PRMT3: variants seen among roughly 807,000 people sequenced by gnomAD.
The protein encoded by PRMT3 is protein arginine N-methyltransferase 3.
Under a neutral mutation model 71.9 loss-of-function variants are expected in PRMT3, and 62 were observed. That is an observed-to-expected ratio of 0.86 (90% confidence interval 0.70 to 1.07). The LOEUF is 1.07. Among genes scored for constraint, PRMT3 ranks in the 50% least tolerant of loss-of-function variants. The pLI is 0.00. For synonymous variants in PRMT3, 213 were observed against 220.4 expected (o/e 0.97, Z 0.30); for missense variants, 663 against 643.0 (o/e 1.03, Z -0.34).
intron 13 of PRMT3, among the ~76,000 whole-genome samples, chr11:20,481,046 A>T (rs556612093): frequency 6.6e-6 from 1 of 152,280 alleles, no homozygotes; most frequent in South Asian, 2.1e-4. Flanking sequence ...AGAACATTTT[A>T]TGAAAGACTT....
intron 11 of PRMT3, among the ~76,000 whole-genome samples, chr11:20,460,965 C>T (rs189001545): frequency 6.6e-6 from 1 of 152,284 alleles, no homozygotes; most frequent in African/African-American, 2.4e-5. Context: ...TAGACCCTCC[C>T]ATTATTCTCC....
chr11:20,491,329 G>C (rs1014831002), intron 13 of PRMT3, among the ~76,000 whole-genome samples: 1 of 152,128 alleles, frequency 6.6e-6, no homozygotes. Context: ...CTCAGAGGTG[G>C]CTTGTCTTTT....
chr11:20,498,903 G>A (rs972133491), intron 15 of PRMT3, among the ~76,000 whole-genome samples: 2 of 152,244 alleles, frequency 1.3e-5, no homozygotes, highest in Admixed American at 6.5e-5. Flanking sequence ...TTTATTTTCA[G>A]CAGACTGGAA....
chr11:20,440,473 A>G (rs12802766), intron 10 of PRMT3, among the ~76,000 whole-genome samples: 4,305 of 133,086 alleles, frequency 0.032, 65 homozygotes, highest in Middle Eastern at 0.054. Context: ...GTGAAACCCC[A>G]TCTCTACTAA....
chr11:20,464,603 G>C, intron 13 of PRMT3, 57 bp downstream of exon 13: 1 of 1,592,566 alleles, frequency 6.3e-7, no homozygotes, highest in Non-Finnish European at 8.5e-7. Flanking sequence ...TGATTGGCAG[G>C]CTAATGAGTT....
intron 13 of PRMT3, among the ~76,000 whole-genome samples, chr11:20,473,048 C>A (rs749336843): frequency 1.2e-4 from 18 of 151,978 alleles, no homozygotes; most frequent in Non-Finnish European, 1.5e-4. Flanking sequence ...TTATAGTTTT[C>A]TTTGATGGTT....
rs1243206091 is a variant in PRMT3 at position 20,407,922 on chromosome 11, T to A, written c.783T>A (p.Asp261Glu). 6.2e-7 allele frequency: 1 copy of A among 1,610,710 alleles called. No homozygotes were observed. The highest frequency in any genetic ancestry group is 8.5e-7 in the Non-Finnish European group (1 of 1,177,872). ...PHIFKDKVVL[D>E]VGCGTGILSM... ...CTTAATTACCCTAGGTAGTTTTGGA[T>A]GTTGGGTGTGGAACTGGAATTCTCT... is the stretch of plus-strand genomic sequence containing the variant. Residue 261 changes from aspartate (D) to glutamate (E), a missense_variant, in exon 9 of 16, where the codon GAT becomes GAA. Physicochemically the swap from Asp to Glu is conservative, Grantham distance 45 (BLOSUM62 2). Coordinates refer to ENST00000331079, the MANE Select transcript of PRMT3 (RefSeq NM_005788.4).
chr11:20,489,606 GA>G (rs1851160515), intron 13 of PRMT3, among the ~76,000 whole-genome samples: 1 of 152,030 alleles, frequency 6.6e-6, no homozygotes, highest in South Asian at 2.1e-4. Flanking sequence ...AACTGTAATT[GA>G]AAATAGTGGC....
chr11:20,429,323 C>T (rs1167280828), intron 10 of PRMT3, among the ~76,000 whole-genome samples: 1 of 152,218 alleles, frequency 6.6e-6, no homozygotes, highest in Non-Finnish European at 1.5e-5. Flanking sequence ...AATGCCACTG[C>T]TGATCTGACA....
rs78659133 is a variant in PRMT3 at position 20,446,774 on chromosome 11, C to A, written c.994-5356C>A. On this transcript the variant is annotated intron_variant, in intron 10 of 15. Transcript: ENST00000331079. ...ATGTCTATGTGTATATATACAGATGCCAACACAACATTTTCCTACCCATTC... is the reference window on the plus strand; with the variant it reads ...ATGTCTATGTGTATATATACAGATGACAACACAACATTTTCCTACCCATTC... Among the ~76,000 whole-genome samples, 1,076 of 152,156 alleles carry A rather than the reference C, an allele frequency of 7.1e-3. 15 individuals are homozygous for A. Among genetic ancestry groups the A allele is most frequent in the African/African-American group, 0.02 (834 of 41,516 alleles).
At chr11:20,503,218 C>A (rs1851500174) in intron 15 of PRMT3, among the ~76,000 whole-genome samples, 1 of 151,968 alleles carries the variant, frequency 6.6e-6, no homozygotes, top group East Asian at 1.9e-4. Context: ...TGGTTTCATC[C>A]TTTAAAAGAT....
intron 9 of PRMT3, among the ~76,000 whole-genome samples, chr11:20,410,441 G>A (rs1199174268): frequency 1.3e-5 from 2 of 151,854 alleles, no homozygotes; most frequent in Non-Finnish European, 2.9e-5. Context: ...GTATATTGAT[G>A]AGCTCCCAGC....
At chr11:20,478,049 C>T (rs35741301) in intron 13 of PRMT3, among the ~76,000 whole-genome samples, 2,958 of 152,284 alleles carry the variant, frequency 0.019, 93 homozygotes, top group African/African-American at 0.065. Context: ...ATTGGGCAAA[C>T]GCCCTCAGGT....
chr11:20,492,711 T>C (rs1851235878), intron 13 of PRMT3, among the ~76,000 whole-genome samples: 1 of 152,198 alleles, frequency 6.6e-6, no homozygotes, highest in African/African-American at 2.4e-5. Flanking sequence ...GTATTTAAAT[T>C]TAACCAAAAA....
At chr11:20,390,061 G>A (rs933404629) in intron 3 of PRMT3, among the ~76,000 whole-genome samples, 2 of 151,466 alleles carry the variant, frequency 1.3e-5, no homozygotes, top group Non-Finnish European at 2.9e-5. Flanking sequence ...TGAGGCAGGT[G>A]AATTGCTTAA....
At chr11:20,498,974 G>C (rs1851396876) in intron 15 of PRMT3, among the ~76,000 whole-genome samples, 1 of 152,130 alleles carries the variant, frequency 6.6e-6, no homozygotes, top group African/African-American at 2.4e-5. Flanking sequence ...ATGGAAACTT[G>C]GATCTTAACA....
At chr11:20,478,632 GT>G (rs1374639951) in intron 13 of PRMT3, among the ~76,000 whole-genome samples, 2 of 151,984 alleles carry the variant, frequency 1.3e-5, no homozygotes, top group Non-Finnish European at 2.9e-5. Context: ...CAGTTACTGA[GT>G]TTTTTAAGGC....
intron 13 of PRMT3, among the ~76,000 whole-genome samples, chr11:20,481,560 A>AG (rs1226834387): frequency 6.6e-6 from 1 of 152,092 alleles, no homozygotes; most frequent in Non-Finnish European, 1.5e-5. Context: ...GAACTTACTG[A>AG]GGGATAGTTT....
At chr11:20,496,942 A>ACT (rs1439118862) in intron 15 of PRMT3, among the ~76,000 whole-genome samples, 2 of 152,216 alleles carry the variant, frequency 1.3e-5, no homozygotes, top group Admixed American at 6.5e-5. Flanking sequence ...GCTTCAGCAC[A>ACT]GCAAAAGTGA....
Sources: gnomAD v4.1 joint callset for allele counts (sites outside exome capture counted in the v4.1 genomes callset) on GRCh38, gnomAD v4.1.1 for gene constraint, MANE v1.5 for transcripts, NCBI Gene and HGNC (gene_info 2026-07-23, HGNC 2026-07-21) for gene names.